Variants in QSOX1 observed in about 807,000 individuals in gnomAD.
QSOX1 encodes quiescin sulfhydryl oxidase 1.
QSOX1 carries 40 observed loss-of-function variants against 76.1 expected under a neutral mutation model. That is an observed-to-expected ratio of 0.53 (90% CI 0.41 to 0.68). The LOEUF (loss-of-function observed/expected upper bound fraction) is 0.68. Among genes scored for constraint, QSOX1 ranks in the 30% least tolerant of loss-of-function variants. The pLI, the probability that QSOX1 is intolerant of heterozygous loss-of-function variation, is 0.00. For missense variants in QSOX1, 931 were observed against 974.3 expected, an observed-to-expected ratio of 0.96 and a Z score of 0.59; for synonymous variants, 392 against 413.1, an observed-to-expected ratio of 0.95 and a Z score of 0.62.
At position 180,190,443 on chromosome 1, in the gene QSOX1, T is replaced by G. The variant is rs752152161; in HGVS notation, c.1151T>G (p.Leu384Arg). The change falls in exon 10 of 12, where the codon CTT becomes CGT. Residue 384 changes from leucine to arginine, a missense_variant. By Grantham distance (102) the Leu-to-Arg change is moderately radical (BLOSUM62 -2). Transcript: ENST00000367602. Reference sequence around the variant, plus strand: ...TCATGTGTCCCTCAGGGTGCCGTTCTTGCCAAGAAGGTGAACTGGATTGGC... The same window carrying G: ...TCATGTGTCCCTCAGGGTGCCGTTCGTGCCAAGAAGGTGAACTGGATTGGC... The part of the protein sequence containing the change: ...ALDDRKEGAV[L>R]AKKVNWIGCQ... 1 of 1,613,814 alleles carries G rather than the reference T, an allele frequency of 6.2e-7. No individual in the cohort carries two copies. Among genetic ancestry groups the G allele is most frequent in the Non-Finnish European group, 8.5e-7 (1 of 1,179,664 alleles).
intron 10 of QSOX1, among the ~76,000 whole-genome samples, chr1:180,193,412 C>T (rs966161611): frequency 2.6e-5 from 4 of 151,416 alleles, no homozygotes; most frequent in Non-Finnish European, 4.4e-5. Flanking sequence ...TGGGCTGCTG[C>T]GGGTCTCACC....
chr1:180,182,112 G>T (rs1663052076), intron 5 of QSOX1, 62 bp from the exon 6 acceptor site: 5 of 1,592,234 alleles, frequency 3.1e-6, no homozygotes, highest in African/African-American at 1.3e-5. Context: ...ACCGAGCTGG[G>T]ACCCAGCCCT....
intron 3 of QSOX1, 37 bp from the exon 4 acceptor site, chr1:180,175,894 C>A (rs148150589): frequency 0.011 from 17,261 of 1,514,932 alleles, 326 homozygotes; most frequent in South Asian, 0.068. Flanking sequence ...CAGCTCTGCT[C>A]TCCTGACACT....
chr1:180,188,811 C>T (rs1481337611), intron 8 of QSOX1, among the ~76,000 whole-genome samples: 1 of 152,238 alleles, frequency 6.6e-6, no homozygotes, highest in Admixed American at 6.5e-5. Flanking sequence ...ATCTGATCAG[C>T]CTGCTGCTGT....
At chr1:180,194,126 G>C in intron 10 of QSOX1, 87 bp from the exon 11 acceptor site, 2 of 1,322,716 alleles carry the variant, frequency 1.5e-6, no homozygotes, top group Non-Finnish European at 2.1e-6. Context: ...ACGGCAGGAT[G>C]GGGGGCGGCA....
chr1:180,193,811 C>T (rs1000631651), intron 10 of QSOX1, among the ~76,000 whole-genome samples: 4 of 152,130 alleles, frequency 2.6e-5, no homozygotes, highest in African/African-American at 9.7e-5. Flanking sequence ...GGAAGCAAGT[C>T]GGACAGGCAG....
rs1053116163 is a variant in QSOX1 at position 180,196,941 on chromosome 1, C to T, written c.2148C>T (p.Leu716=). ...TGGACATCAGCCTCTGTGTGGGGCT[C>T]TATTCCCTGTCCTTCATGGGCCTGC... ...SYLDISLCVG[L]YSLSFMGLLA... is the part of the protein sequence containing the mutation. The change falls in exon 12 of 12, where the codon CTC becomes CTT. Residue 716 remains leucine (L), a synonymous_variant. Transcript: ENST00000367602. This position sits in a 1 kb window ranked among gnomAD's most constrained non-coding sequence, Gnocchi z 4.1. The T allele has an allele frequency of 1.4e-5, 22 of 1,607,780 alleles. No homozygotes were observed. The highest frequency in any genetic ancestry group is 5.1e-5 in the Admixed American group (3 of 59,360).
Position 180,201,067 on chromosome 1 carries a change from G to C in QSOX1, c.*4030G>C, listed in dbSNP as rs1663627306. On this transcript the variant is annotated 3_prime_UTR_variant, in exon 12 of 12. Coordinates refer to ENST00000367602, the MANE Select transcript of QSOX1 (RefSeq NM_002826.5). ...TCGTTTGAAGGAGGGGAAGAAACCA[G>C]GTTCGTTGGGCGTGACCTTGGCTCA... 1 of 152,228 alleles carries C rather than the reference G, an allele frequency of 6.6e-6. No individual in the cohort carries two copies. The highest frequency in any genetic ancestry group is 2.4e-5 in the African/African-American group (1 of 41,460). 9.4% of individuals were successfully genotyped at this position (152,228 alleles called of 1,614,324 possible).
Position 180,189,452 on chromosome 1 carries a change from C to T in QSOX1, c.1018-100C>T, listed in dbSNP as rs2275809. ...CTCCTCCCCACTGCCCCCCGCCCCC[C>T]GCCCCCCGCCTTCTTCTGCATAGCT... On this transcript the variant is annotated intron_variant, in intron 8 of 11. Coordinates refer to ENST00000367602, the MANE Select transcript of QSOX1 (RefSeq NM_002826.5). The T allele has an allele frequency of 0.014, 8,838 of 619,184 alleles. 557 individuals are homozygous for T. In the East Asian group the frequency reaches 0.19, roughly 13 times the overall value. The allele number at this position is 619,184 out of a possible 1,614,324, so 38.4% of individuals were successfully genotyped here. A position where few individuals can be genotyped will look rare whatever the true frequency, so the allele number is the denominator to read the frequency against.
At position 180,196,310 on chromosome 1, in the gene QSOX1, G is replaced by A. The variant is rs774684977; in HGVS notation, c.1517G>A (p.Arg506His). The change falls in exon 12 of 12, where the codon CGT (arginine) becomes CAT (histidine). Residue 506 changes from arginine (R) to histidine (H), a missense_variant. Transcript: ENST00000367602. The surrounding 1 kb of genome is among the most constrained non-coding windows in gnomAD (Gnocchi z 4.1). Reference sequence around the variant, plus strand: ...TTCCCCAAGGTGCAGTGGCCACCCCGTGAACTTTGTTCTGCCTGCCACAAT... The same window carrying A: ...TTCCCCAAGGTGCAGTGGCCACCCCATGAACTTTGTTCTGCCTGCCACAAT... ...PQFPKVQWPP[R>H]ELCSACHNER... The A allele has an allele frequency of 2.4e-5, 38 of 1,613,880 alleles. No homozygotes were observed. The highest frequency in any genetic ancestry group is 1.2e-4 in the African/African-American group (9 of 74,892).
intron 2 of QSOX1, among the ~76,000 whole-genome samples, chr1:180,170,132 C>T (rs1207608925): frequency 6.6e-6 from 1 of 152,132 alleles, no homozygotes; most frequent in African/African-American, 2.4e-5. Context: ...ATGGCAGGTC[C>T]TTGAATGCAG....
chr1:180,156,673 A>T (rs1466671279), intron 1 of QSOX1, among the ~76,000 whole-genome samples: 3 of 152,206 alleles, frequency 2.0e-5, no homozygotes, highest in Non-Finnish European at 4.4e-5. Context: ...TACATGCCTC[A>T]CTGGTCCCAT....
At position 180,201,291 on chromosome 1, in the gene QSOX1, C is replaced by A. The variant is rs1361303177; in HGVS notation, c.*4254C>A. On this transcript the variant is annotated 3_prime_UTR_variant, in exon 12 of 12. Coordinates refer to ENST00000367602, the MANE Select transcript of QSOX1 (RefSeq NM_002826.5). ...TATAAGATCAATATCCTGATAGAAT[C>A]CCGGGCCAGGTGTGAGAGGGGAGAG... is the stretch of plus-strand genomic sequence containing the variant. 1.3e-5 allele frequency: 2 copies of A among 152,166 alleles called. No homozygotes were observed. Among genetic ancestry groups the A allele is most frequent in the African/African-American group, 4.8e-5 (2 of 41,440 alleles). 9.4% of individuals were successfully genotyped at this position (152,166 alleles called of 1,614,324 possible).
chr1:180,191,069 A>T (rs565654063), intron 10 of QSOX1, among the ~76,000 whole-genome samples: 35 of 152,246 alleles, frequency 2.3e-4, no homozygotes, highest in African/African-American at 8.4e-4. Context: ...GCTGCCTCGG[A>T]TTGTCCACAA....
At chr1:180,176,657 C>A (rs1374178218) in intron 4 of QSOX1, among the ~76,000 whole-genome samples, 2 of 152,168 alleles carry the variant, frequency 1.3e-5, no homozygotes, top group Admixed American at 1.3e-4. Flanking sequence ...CCCATACTTT[C>A]CCAAAGAAGA....
intron 2 of QSOX1, 120 bp downstream of exon 2, chr1:180,166,711 G>T: frequency 1.0e-6 from 1 of 991,238 alleles, no homozygotes; most frequent in South Asian, 1.4e-5. Flanking sequence ...TTTGAGCTGG[G>T]AGGTGATCAT....
intron 5 of QSOX1, among the ~76,000 whole-genome samples, chr1:180,181,136 A>G (rs915682898): frequency 8.5e-5 from 13 of 152,304 alleles, no homozygotes; most frequent in African/African-American, 2.2e-4. Flanking sequence ...TACCTATGCA[A>G]TACAGGTTAG....
chr1:180,165,796 A>G (rs1177129527), intron 1 of QSOX1, among the ~76,000 whole-genome samples: 2 of 152,222 alleles, frequency 1.3e-5, no homozygotes, highest in African/African-American at 4.8e-5. Context: ...GTTTCTTCTC[A>G]GTTCCTGGGC....
At position 180,154,891 on chromosome 1, in the gene QSOX1, T is replaced by A. The variant is rs1206768748; in HGVS notation, c.-17T>A. 14 of 1,404,732 alleles carry A rather than the reference T, an allele frequency of 1.0e-5. No individual in the cohort carries two copies. The highest frequency in any genetic ancestry group is 1.3e-5 in the Non-Finnish European group (14 of 1,086,814). 87.0% of individuals were successfully genotyped at this position (1,404,732 alleles called of 1,614,324 possible). A position where few individuals can be genotyped will look rare whatever the true frequency, so the allele number is the denominator to read the frequency against. ...CTCATCCGGTGCTTGCGTGTGGTGGTGAGCGCAGCGCCGAGGATGAGGAGG... is the reference window on the plus strand; with the variant it reads ...CTCATCCGGTGCTTGCGTGTGGTGGAGAGCGCAGCGCCGAGGATGAGGAGG... On this transcript the variant is annotated 5_prime_UTR_variant, in exon 1 of 12. Coordinates refer to ENST00000367602, the MANE Select transcript of QSOX1 (RefSeq NM_002826.5).
Sources: gnomAD v4.1 joint callset for allele counts (sites outside exome capture counted in the v4.1 genomes callset) on GRCh38, gnomAD v4.1.1 for gene constraint, Gnocchi (gnomAD v3.1) non-coding constraint, MANE v1.5 for transcripts, NCBI Gene and HGNC (gene_info 2026-07-23, HGNC 2026-07-21) for gene names.